RXRA: variants seen among roughly 807,000 people sequenced by gnomAD.
RXRA encodes the protein retinoid X receptor alpha.
RXRA carries 5 observed loss-of-function variants against 44.5 expected under a neutral mutation model. The ratio of observed to expected loss-of-function variants is 0.11; its 90% CI spans 0.06 to 0.24. The LOEUF (loss-of-function observed/expected upper bound fraction) is 0.24, where lower values mean the gene tolerates loss of function less well. Among genes scored for constraint, RXRA ranks in the 10% least tolerant of loss-of-function variants. RXRA has a pLI of 1.00. For missense variants in RXRA, 412 were observed against 646.5 expected (o/e 0.64, Z 3.93); for synonymous variants, 291 against 271.4 (o/e 1.07, Z -0.71).
intron 1 of RXRA, among the ~76,000 whole-genome samples, chr9:134,361,428 G>T (rs1185410557): frequency 6.6e-6 from 1 of 152,178 alleles, no homozygotes. Flanking sequence ...GGTCTGCCTT[G>T]CCTACCTGGT....
chr9:134,364,701 C>T (rs1453447976), intron 1 of RXRA, among the ~76,000 whole-genome samples: 1 of 152,206 alleles, frequency 6.6e-6, no homozygotes, highest in South Asian at 2.1e-4. Flanking sequence ...AAGCTGGGCT[C>T]TTCCGGGCAA....
intron 1 of RXRA, among the ~76,000 whole-genome samples, chr9:134,333,545 G>A (rs911518993): frequency 6.6e-6 from 1 of 152,092 alleles, no homozygotes; most frequent in Non-Finnish European, 1.5e-5. Context: ...GCCTGGGCCA[G>A]GCCGTGTGTA....
At chr9:134,424,646 T>C (rs929451193) in intron 6 of RXRA, 1 of 985,334 alleles carries the variant, frequency 1.0e-6, no homozygotes, top group Admixed American at 6.1e-5. Context: ...CAAGCCCCAG[T>C]AAGGTCCACT....
chr9:134,390,969 C>T (rs1427619288), intron 1 of RXRA, among the ~76,000 whole-genome samples: 2 of 152,162 alleles, frequency 1.3e-5, no homozygotes, highest in African/African-American at 2.4e-5. Flanking sequence ...CCACTGCCAG[C>T]CTTGGGTGCT....
rs36021673 is a variant in RXRA at position 134,414,628 on chromosome 9, C to T, written c.611-2530C>T. ...GCTTTAGGCTGCTCACTGTCTTGAG[C>T]GCTCAGCCCTGCCCCTTTGGCTCTC... On this transcript the variant is annotated intron_variant, in intron 4 of 9. Coordinates refer to ENST00000481739, the MANE Select transcript of RXRA (RefSeq NM_002957.6). Among the ~76,000 whole-genome samples, 720 of 152,364 alleles carry T rather than the reference C, an allele frequency of 4.7e-3. 8 individuals are homozygous for T. Among genetic ancestry groups the T allele is most frequent in the African/African-American group, 0.016 (653 of 41,576 alleles).
intron 1 of RXRA, among the ~76,000 whole-genome samples, chr9:134,374,767 T>A (rs1413889850): frequency 1.3e-5 from 2 of 152,212 alleles, no homozygotes; most frequent in Non-Finnish European, 2.9e-5. Context: ...TCAGCGAGAT[T>A]GTCTAACCTA....
chr9:134,408,336 G>C, intron 3 of RXRA, 37 bp downstream of exon 3: 2 of 1,570,888 alleles, frequency 1.3e-6, no homozygotes, highest in Non-Finnish European at 1.7e-6. Context: ...TGGTGGGACA[G>C]GGTTGTCAGG....
At position 134,433,958 on chromosome 9, in the gene RXRA, A is replaced by C; in HGVS notation, c.1136-144A>C. The C allele has an allele frequency of 1.7e-6, 1 of 605,628 alleles. No homozygotes were observed. 37.5% of individuals were successfully genotyped at this position (605,628 alleles called of 1,614,324 possible). On this transcript the variant is annotated intron_variant, in intron 8 of 9. Coordinates refer to ENST00000481739, the MANE Select transcript of RXRA (RefSeq NM_002957.6). The surrounding 1 kb of genome is among the most constrained non-coding windows in gnomAD (Gnocchi z 4.2). ...CACCAGGCTCTGGGGGAGCGGGCGG[A>C]GGCATGTCCAGCGGCATTCCTCCAC...
chr9:134,337,454 A>G (rs1830024809), intron 1 of RXRA, among the ~76,000 whole-genome samples: 1 of 152,138 alleles, frequency 6.6e-6, no homozygotes, highest in African/African-American at 2.4e-5. Flanking sequence ...CAGTGCTGCC[A>G]CTTGATGGGA....
intron 5 of RXRA, among the ~76,000 whole-genome samples, chr9:134,420,075 G>A (rs1169403074): frequency 2.6e-5 from 4 of 152,180 alleles, no homozygotes; most frequent in African/African-American, 9.6e-5. Context: ...CTTGGCTTCC[G>A]AGAGTGGCCG....
At chr9:134,386,311 C>T (rs977100357) in intron 1 of RXRA, among the ~76,000 whole-genome samples, 2 of 152,244 alleles carry the variant, frequency 1.3e-5, no homozygotes, top group African/African-American at 4.8e-5. Flanking sequence ...CGCCTGCCCT[C>T]GCCATGAGGC....
intron 2 of RXRA, chr9:134,403,846 G>A (rs1305933185): frequency 6.6e-6 from 1 of 152,332 alleles, no homozygotes; most frequent in Non-Finnish European, 1.5e-5. Flanking sequence ...TCCCCGGGGT[G>A]GGTGTGGGTG....
intron 1 of RXRA, among the ~76,000 whole-genome samples, chr9:134,393,035 A>AAG (rs1554753607): frequency 1.3e-5 from 2 of 151,100 alleles, no homozygotes; most frequent in Non-Finnish European, 3.0e-5. Flanking sequence ...TAAAAAAAAA[A>AAG]AACCCATCCT....
At chr9:134,394,518 C>T (rs1051417650) in intron 1 of RXRA, among the ~76,000 whole-genome samples, 1 of 152,106 alleles carries the variant, frequency 6.6e-6, no homozygotes, top group African/African-American at 2.4e-5. Flanking sequence ...GGTCACTCTT[C>T]CTCATTCTCA....
chr9:134,395,374 G>T (rs1830862418), intron 1 of RXRA, among the ~76,000 whole-genome samples: 1 of 152,266 alleles, frequency 6.6e-6, no homozygotes, highest in Non-Finnish European at 1.5e-5. Context: ...TCATGGAAGG[G>T]CCCGTCTCAC....
intron 1 of RXRA, among the ~76,000 whole-genome samples, chr9:134,378,920 C>A (rs772054893): frequency 6.6e-6 from 1 of 152,326 alleles, no homozygotes; most frequent in East Asian, 1.9e-4. Context: ...GTCAGATTGT[C>A]CTGCTTCATC....
chr9:134,424,647 A>G, intron 6 of RXRA: 1 of 985,442 alleles, frequency 1.0e-6, no homozygotes, highest in Non-Finnish European at 1.2e-6. Flanking sequence ...AAGCCCCAGT[A>G]AGGTCCACTG....
chr9:134,330,852 A>G (rs1305686336), intron 1 of RXRA, among the ~76,000 whole-genome samples: 2 of 152,188 alleles, frequency 1.3e-5, no homozygotes. Flanking sequence ...TGGCTCTTCC[A>G]AATGCTGGAG....
intron 1 of RXRA, among the ~76,000 whole-genome samples, chr9:134,385,213 A>G (rs556384445): frequency 1.4e-4 from 21 of 152,298 alleles, no homozygotes; most frequent in African/African-American, 4.6e-4. Context: ...AGGGGCTGGC[A>G]GGGCTGAAAG....
Sources: gnomAD v4.1 joint callset for allele counts (sites outside exome capture counted in the v4.1 genomes callset) on GRCh38, gnomAD v4.1.1 for gene constraint, Gnocchi (gnomAD v3.1) non-coding constraint, MANE v1.5 for transcripts, NCBI Gene and HGNC (gene_info 2026-07-23, HGNC 2026-07-21) for gene names.